HABP2: variants seen among roughly 807,000 people sequenced by gnomAD.
HABP2 encodes the protein factor VII-activating protease.
A neutral mutation model predicts 66.5 loss-of-function variants in HABP2; 65 were observed. The observed-to-expected ratio is 0.98, with a 90% CI of 0.80 to 1.20. HABP2 has a LOEUF of 1.20. Ranked by LOEUF, HABP2 falls within the 50% of genes most tolerant of loss-of-function variation. The probability of loss-of-function intolerance (pLI) is 0.00; values close to 1 mark genes in which losing one functional copy is unlikely to be tolerated. For missense variants in HABP2, 786 were observed against 691.0 expected (o/e 1.14, Z -1.54); for synonymous variants, 263 against 253.9 (o/e 1.04, Z -0.34).
chr10:113,581,511 C>T (rs936580307), intron 8 of HABP2, among the ~76,000 whole-genome samples: 2 of 152,188 alleles, frequency 1.3e-5, no homozygotes, highest in Admixed American at 1.3e-4. Context: ...ATGAAAGGTG[C>T]ATTGATGATG....
At chr10:113,554,130 G>A (rs1044791618) in intron 1 of HABP2, among the ~76,000 whole-genome samples, 7 of 152,164 alleles carry the variant, frequency 4.6e-5, no homozygotes, top group African/African-American at 1.7e-4. Flanking sequence ...GATTTGGGGA[G>A]GGCCACAAGT....
chr10:113,574,518 A>G (rs1352716518), intron 3 of HABP2, 113 bp downstream of exon 3: 4 of 624,138 alleles, frequency 6.4e-6, no homozygotes, highest in Non-Finnish European at 1.2e-5. Flanking sequence ...ATTGTGAAAT[A>G]GCTATGGAAG....
intron 1 of HABP2, among the ~76,000 whole-genome samples, chr10:113,559,816 C>G (rs1337136282): frequency 6.6e-6 from 1 of 152,250 alleles, no homozygotes; most frequent in East Asian, 1.9e-4. Context: ...CAGCTCAGCC[C>G]TTAGCTGGGT....
intron 1 of HABP2, among the ~76,000 whole-genome samples, chr10:113,553,827 G>A (rs560658079): frequency 3.9e-5 from 6 of 152,276 alleles, no homozygotes; most frequent in South Asian, 2.1e-4. Flanking sequence ...AGTCTTGAAC[G>A]GGGGACTCAG....
intron 7 of HABP2, among the ~76,000 whole-genome samples, chr10:113,579,702 C>T (rs1279148121): frequency 6.6e-6 from 1 of 152,110 alleles, no homozygotes; most frequent in African/African-American, 2.4e-5. Flanking sequence ...AGATGAGTTG[C>T]AGGTGAGGGG....
chr10:113,575,184 A>C (rs568420665), intron 3 of HABP2, among the ~76,000 whole-genome samples: 2 of 152,192 alleles, frequency 1.3e-5, no homozygotes, highest in Non-Finnish European at 2.9e-5. Context: ...ATCAGAAGGG[A>C]CCATCAAAAC....
At chr10:113,558,140 A>G (rs568847507) in intron 1 of HABP2, among the ~76,000 whole-genome samples, 46 of 152,300 alleles carry the variant, frequency 3.0e-4, no homozygotes, top group Non-Finnish European at 4.4e-4. Context: ...TCCCATCTGG[A>G]CGTTCCCTCA....
At position 113,589,518 on chromosome 10, in the gene HABP2, T is replaced by C; in HGVS notation, c.*1149T>C. The C allele has an allele frequency of 1.1e-6, 1 of 909,592 alleles. No individual in the cohort carries two copies. Among genetic ancestry groups the C allele is most frequent in the South Asian group, 1.7e-5 (1 of 59,608 alleles). 56.3% of individuals were successfully genotyped at this position (909,592 alleles called of 1,614,324 possible). A position where few individuals can be genotyped will look rare whatever the true frequency, so the allele number is the denominator to read the frequency against. ...CATCTGCCTGGTCATCTCAGACCCA[T>C]GAAATTAGGCGCCTTGTTTGAGCTG... On this transcript the variant is annotated 3_prime_UTR_variant, in exon 13 of 13. Coordinates refer to ENST00000351270, the MANE Select transcript of HABP2 (RefSeq NM_004132.5).
intron 1 of HABP2, among the ~76,000 whole-genome samples, chr10:113,557,340 T>C (rs755843084): frequency 6.6e-6 from 1 of 152,140 alleles, no homozygotes; most frequent in Non-Finnish European, 1.5e-5. Flanking sequence ...ATCCAACTCA[T>C]TACCTTTAGC....
At chr10:113,578,979 G>A (rs939455767) in intron 7 of HABP2, among the ~76,000 whole-genome samples, 181 bp downstream of exon 7, 2 of 152,088 alleles carry the variant, frequency 1.3e-5, no homozygotes, top group African/African-American at 2.4e-5. Context: ...TTTCTGGGCT[G>A]GTTGCTGTGG....
chr10:113,587,197 G>C (rs1407501525), intron 12 of HABP2, among the ~76,000 whole-genome samples: 2 of 152,206 alleles, frequency 1.3e-5, no homozygotes, highest in Non-Finnish European at 2.9e-5. Context: ...GCACATGCCT[G>C]TAGTCCCAGC....
At chr10:113,571,008 G>A (rs559492569) in intron 2 of HABP2, among the ~76,000 whole-genome samples, 1 of 152,332 alleles carries the variant, frequency 6.6e-6, no homozygotes, top group African/African-American at 2.4e-5. Flanking sequence ...GGCCACAGAG[G>A]AATGCTCTTG....
Position 113,582,412 on chromosome 10 carries a change from G to A in HABP2, c.1094+281G>A, listed in dbSNP as rs11575771. ...TTTTTATCTGTTTTATTAACTGTAG[G>A]ATCTCCAGTGTCTTGAGCAGGCCTT... On this transcript the variant is annotated intron_variant, in intron 9 of 12. Coordinates refer to ENST00000351270, the MANE Select transcript of HABP2 (RefSeq NM_004132.5). Among the ~76,000 whole-genome samples the A allele has an allele frequency of 2.9e-3, 437 of 152,332 alleles. 2 individuals are homozygous for A. The highest frequency in any genetic ancestry group is 0.01 in the African/African-American group (416 of 41,564).
chr10:113,588,532 C>A lies in HABP2; in HGVS notation c.*163C>A. 1 of 570,080 alleles carries A rather than the reference C, an allele frequency of 1.8e-6. No homozygotes were observed. The highest frequency in any genetic ancestry group is 3.1e-6 in the Non-Finnish European group (1 of 325,840). 35.3% of individuals were successfully genotyped at this position (570,080 alleles called of 1,614,324 possible). ...CCACCCAGCCTGGGCCTTCCCAGAC[C>A]AGCATTTGCACAATATCACCAGGCT... On this transcript the variant is annotated 3_prime_UTR_variant, in exon 13 of 13. Transcript: ENST00000351270.
Position 113,582,023 on chromosome 10 carries a change from C to T in HABP2, c.986C>T (p.Ala329Val), listed in dbSNP as rs143400789. ...ACGGCGGGCAAGCACCCATGGCAGG[C>T]GTCCCTCCAGTCCTCGCTGCCTCTG... The part of the protein sequence containing the change: ...KSTAGKHPWQ[A>V]SLQSSLPLTI... The change falls in exon 9 of 13, where the codon GCG (alanine) becomes GTG (valine). Residue 329 changes from alanine to valine, a missense_variant. Physicochemically the swap from Ala to Val is moderately conservative, Grantham distance 64. Transcript: ENST00000351270. 65 of 1,614,064 alleles carry T rather than the reference C, an allele frequency of 4.0e-5. No individual in the cohort carries two copies. The African/African-American group carries it at 4.8e-4, about 12-fold the overall frequency.
intron 9 of HABP2, among the ~76,000 whole-genome samples, chr10:113,583,008 T>C (rs1845569054): frequency 6.6e-6 from 1 of 152,182 alleles, no homozygotes; most frequent in South Asian, 2.1e-4. Flanking sequence ...GAGAAGTGGG[T>C]AAAAGTTATA....
chr10:113,585,901 CA>C lies in HABP2; in HGVS notation c.1482del (p.Gly495GlufsTer19). 3 of 1,613,800 alleles carry C rather than the reference CA, an allele frequency of 1.9e-6. No individual in the cohort carries two copies. The South Asian group carries it at 3.3e-5, about 18-fold the overall frequency. ...DHMIDDSMIC[A>X]GNLQKPGQDT... ...ATGATTGATGACAGTATGATCTGTGCAGGAAATCTTCAGAAACCTGGGCAAG... is the reference window on the plus strand; with the variant it reads ...ATGATTGATGACAGTATGATCTGTGCGGAAATCTTCAGAAACCTGGGCAAG... On this transcript the variant is annotated frameshift_variant, in exon 12 of 13. Transcript: ENST00000351270. LOFTEE classifies it high-confidence loss of function.
chr10:113,589,140 C>T lies in HABP2; in HGVS notation c.*771C>T, dbSNP rs749032539. 1.1e-5 allele frequency: 16 copies of T among 1,409,484 alleles called. No individual in the cohort carries two copies. Among genetic ancestry groups the T allele is most frequent in the Middle Eastern group, 2.2e-4 (1 of 4,502 alleles). 87.3% of individuals were successfully genotyped at this position (1,409,484 alleles called of 1,614,324 possible). ...GCTCCCCCACCCCCACTCCCGGCCC[C>T]GGTTCCCACAGGACACGCTAAGAAG... On this transcript the variant is annotated 3_prime_UTR_variant, in exon 13 of 13. Coordinates refer to ENST00000351270, the MANE Select transcript of HABP2 (RefSeq NM_004132.5).
intron 1 of HABP2, among the ~76,000 whole-genome samples, chr10:113,564,137 A>G (rs745802893): frequency 7.9e-5 from 12 of 152,200 alleles, no homozygotes; most frequent in Non-Finnish European, 1.3e-4. Flanking sequence ...CACGTCTTAC[A>G]TGGTGGCAGG....
Sources: gnomAD v4.1 joint callset for allele counts (sites outside exome capture counted in the v4.1 genomes callset) on GRCh38, gnomAD v4.1.1 for gene constraint, MANE v1.5 for transcripts, NCBI Gene and HGNC (gene_info 2026-07-23, HGNC 2026-07-21) for gene names.